The following POLDIP3 variants were observed in gnomAD, a reference collection of about 807,000 sequenced individuals.
The protein encoded by POLDIP3 is DNA polymerase delta interacting protein 3.
Under a neutral mutation model 45.1 loss-of-function variants are expected in POLDIP3, and 14 were observed. The ratio of observed to expected loss-of-function variants is 0.31; its 90% CI spans 0.20 to 0.49. The LOEUF (loss-of-function observed/expected upper bound fraction) is 0.49, where lower values mean the gene tolerates loss of function less well. Ranked by LOEUF, POLDIP3 falls within the 20% of genes least tolerant of loss-of-function variation. POLDIP3 has a pLI of 0.99. For synonymous variants in POLDIP3, 223 were observed against 205.2 expected, an observed-to-expected ratio of 1.09 and a Z score of -0.74; for missense variants, 511 against 538.8, an observed-to-expected ratio of 0.95 and a Z score of 0.51.
At position 42,601,498 on chromosome 22, in the gene POLDIP3, C is replaced by G. The variant is rs546439562; in HGVS notation, c.537+472G>C. On this transcript the variant is annotated intron_variant, in intron 3 of 8. Coordinates refer to ENST00000252115, the MANE Select transcript of POLDIP3 (RefSeq NM_032311.5). ...TTCTTCTTGGCTGGGTGTGGTGGCT[C>G]ACGCCTGTAATCCCAGCACTTTGGG... Among the ~76,000 whole-genome samples the G allele has an allele frequency of 1.1e-3, 173 of 151,994 alleles. 1 individual carries two copies. The Middle Eastern group carries it at 0.014, about 12-fold the overall frequency.
rs189446888 is a variant in POLDIP3, at chr22:42,586,115, A to T, written c.1089-147T>A. On this transcript the variant is annotated intron_variant, in intron 8 of 8. Coordinates refer to ENST00000252115, the MANE Select transcript of POLDIP3 (RefSeq NM_032311.5). ...TTCATCTCATTCCACCTCGCAGCAA[A>T]CTCAATCACAGCTCACATCAGCCTC... 15 of 713,168 alleles carry T rather than the reference A, an allele frequency of 2.1e-5. No homozygotes were observed. In the Admixed American group the frequency reaches 4.1e-4, roughly 19 times the overall value. 44.2% of individuals were successfully genotyped at this position (713,168 alleles called of 1,614,324 possible). A position where few individuals can be genotyped will look rare whatever the true frequency, so the allele number is the denominator to read the frequency against.
intron 6 of POLDIP3, among the ~76,000 whole-genome samples, chr22:42,592,512 G>T (rs1174636102): frequency 6.6e-6 from 1 of 152,230 alleles, no homozygotes; most frequent in African/African-American, 2.4e-5. Context: ...GGTTTGGCTG[G>T]ACTGAAGGGT....
At chr22:42,604,280 G>T (rs1004099949) in intron 1 of POLDIP3, among the ~76,000 whole-genome samples, 6 of 152,118 alleles carry the variant, frequency 3.9e-5, no homozygotes, top group Admixed American at 1.3e-4. Context: ...TCCCTACCCT[G>T]GGTGGGGCGG....
chr22:42,598,493 C>A (rs1330429953), intron 4 of POLDIP3, among the ~76,000 whole-genome samples: 1 of 151,434 alleles, frequency 6.6e-6, no homozygotes, highest in Non-Finnish European at 1.5e-5. Flanking sequence ...CTTCGTGATC[C>A]ACCCACCTCG....
chr22:42,601,193 A>G (rs560854703), intron 3 of POLDIP3, among the ~76,000 whole-genome samples: 3 of 152,116 alleles, frequency 2.0e-5, no homozygotes, highest in South Asian at 2.1e-4. Context: ...CAAGTTTTCT[A>G]TATTAAGCAC....
At chr22:42,606,914 A>G (rs1293009616) in intron 1 of POLDIP3, among the ~76,000 whole-genome samples, 2 of 152,260 alleles carry the variant, frequency 1.3e-5, no homozygotes, top group Non-Finnish European at 2.9e-5. Flanking sequence ...CATCAATTAA[A>G]TAAGCATGGG....
chr22:42,614,111 A>G (rs1771669543), intron 1 of POLDIP3, among the ~76,000 whole-genome samples: 1 of 152,154 alleles, frequency 6.6e-6, no homozygotes. Flanking sequence ...TCAGCCAGCA[A>G]TTAAATCGCG....
intron 4 of POLDIP3, among the ~76,000 whole-genome samples, chr22:42,599,465 G>A (rs1250151812): frequency 6.6e-6 from 1 of 152,208 alleles, no homozygotes; most frequent in East Asian, 1.9e-4. Context: ...TTAGCTGGGC[G>A]TGGCGGCAGG....
intron 1 of POLDIP3, among the ~76,000 whole-genome samples, chr22:42,606,633 T>C (rs1926747356): frequency 6.6e-6 from 1 of 152,094 alleles, no homozygotes; most frequent in African/African-American, 2.4e-5. Flanking sequence ...AAAAACATAT[T>C]TTAAAAAATT....
At chr22:42,600,428 C>A (rs1237031704) in intron 3 of POLDIP3, among the ~76,000 whole-genome samples, 1 of 150,216 alleles carries the variant, frequency 6.7e-6, no homozygotes, top group Admixed American at 6.7e-5. Flanking sequence ...AGATCGAGAT[C>A]ATCCTGGCTA....
chr22:42,608,063 C>T (rs12628877), intron 1 of POLDIP3, among the ~76,000 whole-genome samples: 5 of 152,144 alleles, frequency 3.3e-5, no homozygotes, highest in Non-Finnish European at 5.9e-5. Context: ...GGAGGTGTAC[C>T]CAACAGCTCA....
chr22:42,587,133 GA>G (rs1925361534), intron 8 of POLDIP3, among the ~76,000 whole-genome samples: 1 of 151,948 alleles, frequency 6.6e-6, no homozygotes, highest in Non-Finnish European at 1.5e-5. Context: ...CCTCACTGGG[GA>G]ACAAAATAAG....
chr22:42,603,772 A>T (rs942732124), intron 1 of POLDIP3: 2 of 152,408 alleles, frequency 1.3e-5, no homozygotes, highest in African/African-American at 4.8e-5. Flanking sequence ...AAGAAAGAAA[A>T]AATTGCAATA....
chr22:42,597,376 C>T (rs1926058204), intron 4 of POLDIP3, among the ~76,000 whole-genome samples: 1 of 152,200 alleles, frequency 6.6e-6, no homozygotes, highest in Non-Finnish European at 1.5e-5. Flanking sequence ...CTGGGTGAAG[C>T]AGCGTCATCC....
At position 42,614,809 on chromosome 22, in the gene POLDIP3, C is replaced by T; in HGVS notation, c.49G>A (p.Ala17Thr). The T allele has an allele frequency of 1.4e-5, 22 of 1,614,068 alleles. No homozygotes were observed. The highest frequency in any genetic ancestry group is 1.8e-5 in the Non-Finnish European group (21 of 1,179,924). ...GGAAAGGCCTCTCACCGTCCTTTCG[C>T]CGCCGCCCCGCGCTTCCTGATGAGT... ...DELIRKRGAA[A>T]KGRLNARPGV... The change falls in exon 1 of 9, where the codon GCG (alanine) becomes ACG (threonine). Residue 17 changes from alanine to threonine, a missense_variant. Around this residue, in one of 4 missense-constraint regions of POLDIP3, gnomAD observed 378 missense variants for 352.3 expected, o/e 1.07. Transcript: ENST00000252115.
In POLDIP3 at chr22:42,592,268, G is replaced by C. The variant is rs149062371; in HGVS notation, c.892-184C>G. On this transcript the variant is annotated intron_variant, in intron 6 of 8. Transcript: ENST00000252115. ...ATCCACAGGCTTCAACACAGCACCA[G>C]ATGAGGTCAGCAGTGGGAAAGGGGC... Among the ~76,000 whole-genome samples the C allele has an allele frequency of 2.4e-3, 367 of 152,370 alleles. 4 individuals carry two copies. The highest frequency in any genetic ancestry group is 8.4e-3 in the African/African-American group (351 of 41,582).
chr22:42,591,758 G>A (rs1388908032), intron 7 of POLDIP3, among the ~76,000 whole-genome samples, 197 bp downstream of exon 7: 2 of 152,188 alleles, frequency 1.3e-5, no homozygotes, highest in Non-Finnish European at 2.9e-5. Context: ...AAAAGCTTAA[G>A]GGCTGGGTGA....
At chr22:42,605,595 G>C (rs1233887725) in intron 1 of POLDIP3, among the ~76,000 whole-genome samples, 12 of 152,144 alleles carry the variant, frequency 7.9e-5, no homozygotes. Context: ...CAATTAATCA[G>C]ATAAGGCTTA....
chr22:42,596,536 G>C (rs966133015), intron 4 of POLDIP3, among the ~76,000 whole-genome samples, 171 bp from the exon 5 acceptor site: 1 of 152,138 alleles, frequency 6.6e-6, no homozygotes, highest in Non-Finnish European at 1.5e-5. Context: ...ACATCCCATA[G>C]GGAAGGGGCA....
Sources: allele counts gnomAD v4.1 joint callset (sites outside exome capture counted in the v4.1 genomes callset), GRCh38; gene constraint gnomAD v4.1.1; regional missense constraint gnomAD v4.1.1; transcripts MANE v1.5; gene names NCBI Gene and HGNC (gene_info 2026-07-23, HGNC 2026-07-21).